Variants in TAFA5 observed in about 807,000 individuals in gnomAD.
TAFA5 encodes the protein chemokine-like protein TAFA-5.
A neutral mutation model predicts 15.3 loss-of-function variants in TAFA5; 6 were observed. The observed-to-expected ratio is 0.39, with a 90% confidence interval of 0.21 to 0.77. The LOEUF is 0.77. Among genes scored for constraint, TAFA5 ranks in the 30% least tolerant of loss-of-function variants. TAFA5 has a pLI of 0.41. For missense variants in TAFA5, 161 were observed against 193.1 expected (o/e 0.83, Z 0.98); for synonymous variants, 103 against 80.7 (o/e 1.28, Z -1.48).
At chr22:48,655,827 A>ATAC (rs1927217496) in intron 2 of TAFA5, among the ~76,000 whole-genome samples, 1 of 89,438 alleles carries the variant, frequency 1.1e-5, no homozygotes, top group African/African-American at 5.1e-5. Flanking sequence ...CCAAACACTG[A>ATAC]TTCTTTTTTT....
intron 3 of TAFA5, among the ~76,000 whole-genome samples, chr22:48,740,002 G>A (rs776076651): frequency 2.4e-4 from 36 of 152,054 alleles, no homozygotes; most frequent in Non-Finnish European, 4.6e-4. Context: ...GAGTCTGATC[G>A]GTGTCCGGAT....
intron 1 of TAFA5, chr22:48,546,569 G>T (rs1209498954): frequency 6.4e-6 from 3 of 471,196 alleles, no homozygotes; most frequent in South Asian, 4.6e-5. Flanking sequence ...GGACTGCTGA[G>T]CAAGGGATGT....
intron 1 of TAFA5, among the ~76,000 whole-genome samples, chr22:48,638,425 C>T (rs1367870062): frequency 8.8e-6 from 1 of 113,478 alleles, no homozygotes; most frequent in African/African-American, 3.1e-5. Context: ...CCTGGGACAC[C>T]GCACACAGGC....
chr22:48,744,356 G>A (rs1930266526), intron 3 of TAFA5, among the ~76,000 whole-genome samples: 1 of 152,226 alleles, frequency 6.6e-6, no homozygotes, highest in Non-Finnish European at 1.5e-5. Context: ...CCACCCTTGG[G>A]CAGCTTCACC....
intron 1 of TAFA5, among the ~76,000 whole-genome samples, chr22:48,621,507 G>T (rs1925837488): frequency 2.0e-5 from 3 of 152,036 alleles, no homozygotes; most frequent in African/African-American, 7.2e-5. Flanking sequence ...CCGGGGTAGG[G>T]GCTGTTGGGC....
intron 2 of TAFA5, among the ~76,000 whole-genome samples, chr22:48,682,496 T>G (rs1928224272): frequency 6.6e-6 from 1 of 152,210 alleles, no homozygotes; most frequent in African/African-American, 2.4e-5. Flanking sequence ...AGGACCAGGC[T>G]GAGGCTGAAA....
intron 3 of TAFA5, among the ~76,000 whole-genome samples, chr22:48,721,111 C>T (rs551780295): frequency 2.0e-5 from 3 of 152,198 alleles, no homozygotes; most frequent in East Asian, 3.9e-4. Context: ...AGCTCCATCT[C>T]GATGGGTGAG....
intron 1 of TAFA5, among the ~76,000 whole-genome samples, chr22:48,638,318 C>CA (rs1276469683): frequency 2.0e-5 from 2 of 99,178 alleles, no homozygotes; most frequent in African/African-American, 7.8e-5. Flanking sequence ...ACAACCCCCC[C>CA]CACACACTAA....
intron 1 of TAFA5, among the ~76,000 whole-genome samples, chr22:48,540,905 G>C (rs868452856): frequency 2.0e-5 from 3 of 150,592 alleles, no homozygotes; most frequent in Non-Finnish European, 4.4e-5. Flanking sequence ...ACAAACAGCA[G>C]CCATTTATTA....
At chr22:48,681,490 C>CAAAAA (rs33981971) in intron 2 of TAFA5, among the ~76,000 whole-genome samples, 30 of 134,680 alleles carry the variant, frequency 2.2e-4, no homozygotes, top group African/African-American at 8.1e-4. Flanking sequence ...TAAAAAAATA[C>CAAAAA]AAAAAAAAAA....
intron 2 of TAFA5, among the ~76,000 whole-genome samples, chr22:48,675,314 G>A (rs1927938118): frequency 6.6e-6 from 1 of 152,238 alleles, no homozygotes; most frequent in Non-Finnish European, 1.5e-5. Flanking sequence ...CAGGACTCAG[G>A]AGGCTTCCTG....
chr22:48,688,745 C>T (rs948699546), intron 2 of TAFA5, among the ~76,000 whole-genome samples: 11 of 152,184 alleles, frequency 7.2e-5, no homozygotes, highest in African/African-American at 2.7e-4. Context: ...AATCTCAGCA[C>T]TTTGGGAGGC....
chr22:48,699,339 C>G lies in TAFA5; in HGVS notation c.263-8378C>G, dbSNP rs182157321. Among the ~76,000 whole-genome samples, 246 of 152,204 alleles carry G rather than the reference C, an allele frequency of 1.6e-3. 2 individuals are homozygous for G. The highest frequency in any genetic ancestry group is 5.7e-3 in the African/African-American group (237 of 41,518). Reference sequence around the variant, plus strand: ...CACAAAGCTGGGAGCCCTTACCAGGCGGTAAAACTGGAATAAACCAAATAA... The same window carrying G: ...CACAAAGCTGGGAGCCCTTACCAGGGGGTAAAACTGGAATAAACCAAATAA... On this transcript the variant is annotated intron_variant, in intron 2 of 3. Coordinates refer to ENST00000402357, the MANE Select transcript of TAFA5 (RefSeq NM_001082967.3).
chr22:48,646,078 T>C (rs2147201925), intron 1 of TAFA5, among the ~76,000 whole-genome samples: 1 of 152,228 alleles, frequency 6.6e-6, no homozygotes, highest in East Asian at 1.9e-4. Flanking sequence ...GCATGGCAGT[T>C]CCTCCCTGGC....
chr22:48,643,597 C>T (rs1429029195), intron 1 of TAFA5, among the ~76,000 whole-genome samples: 7 of 152,308 alleles, frequency 4.6e-5, no homozygotes, highest in Non-Finnish European at 8.8e-5. Flanking sequence ...AAGCCCTGGC[C>T]GGTCGGGTAG....
intron 3 of TAFA5, among the ~76,000 whole-genome samples, chr22:48,711,336 CCTTGT>C (rs1334315845): frequency 1.4e-4 from 21 of 151,620 alleles, no homozygotes; most frequent in Admixed American, 1.4e-3. Flanking sequence ...GGCGGGGGCA[CCTTGT>C]ATACATGGGC....
chr22:48,506,357 A>C (rs568796159), intron 1 of TAFA5, among the ~76,000 whole-genome samples: 100 of 152,352 alleles, frequency 6.6e-4, no homozygotes, highest in Admixed American at 2.6e-3. Context: ...ATGGGGGAAC[A>C]TGGGCACCTC....
Position 48,530,704 on chromosome 22 carries a change from G to C in TAFA5, c.112+41000G>C, listed in dbSNP as rs1265418630. Among the ~76,000 whole-genome samples, 2 of 152,246 alleles carry C rather than the reference G, an allele frequency of 1.3e-5. No homozygotes were observed. Among genetic ancestry groups the C allele is most frequent in the Non-Finnish European group, 1.5e-5 (1 of 68,026 alleles). The stretch of plus-strand genomic sequence containing the variant: ...CTGTCCATGTCACATGGGACCTGCT[G>C]TCTTTGGGCCGGGAGTCATAGCCAC... On this transcript the variant is annotated intron_variant, in intron 1 of 3. Transcript: ENST00000402357. This position sits in a 1 kb window ranked among gnomAD's most constrained non-coding sequence, Gnocchi z 6.0.
chr22:48,679,341 A>C (rs1379738590), intron 2 of TAFA5, among the ~76,000 whole-genome samples: 1 of 8,748 alleles, frequency 1.1e-4, no homozygotes, highest in East Asian at 4.2e-3. Flanking sequence ...CTCCCCGTCC[A>C]TCCCTCTCCG....
Sources: allele counts gnomAD v4.1 joint callset (sites outside exome capture counted in the v4.1 genomes callset), GRCh38; gene constraint gnomAD v4.1.1; non-coding constraint Gnocchi (gnomAD v3.1); transcripts MANE v1.5; gene names NCBI Gene and HGNC (gene_info 2026-07-23, HGNC 2026-07-21).